Variants in WWOX observed in about 807,000 individuals in gnomAD.
WWOX encodes the protein WW domain containing oxidoreductase.
Under a neutral mutation model 46.2 loss-of-function variants are expected in WWOX, and 69 were observed. The observed-to-expected ratio is 1.49, with a 90% CI of 1.23 to 1.82. The LOEUF (loss-of-function observed/expected upper bound fraction) is 1.82. Among genes scored for constraint, WWOX ranks in the 40% most tolerant of loss-of-function variants. The pLI, the probability that WWOX is intolerant of heterozygous loss-of-function variation, is 0.00. For synonymous variants in WWOX, 359 were observed against 202.6 expected (o/e 1.77, Z -6.56); for missense variants, 919 against 542.6 (o/e 1.69, Z -6.89).
chr16:79,023,972 A>AAAC (rs2047586894), intron 8 of WWOX, among the ~76,000 whole-genome samples: 3 of 152,050 alleles, frequency 2.0e-5, no homozygotes, highest in Admixed American at 2.0e-4. Flanking sequence ...AACAAAAAAA[A>AAAC]CATTATATTA....
intron 8 of WWOX, among the ~76,000 whole-genome samples, chr16:78,701,077 ATCT>A (rs2048206407): frequency 6.6e-6 from 1 of 152,142 alleles, no homozygotes; most frequent in African/African-American, 2.4e-5. Flanking sequence ...TCTGTGCTTA[ATCT>A]TCTCCTCTTT....
At chr16:78,430,604 T>G (rs1285768441) in intron 7 of WWOX, among the ~76,000 whole-genome samples, 1 of 152,136 alleles carries the variant, frequency 6.6e-6, no homozygotes, top group African/African-American at 2.4e-5. Context: ...CGTCATATAT[T>G]TTCAAATTGC....
At chr16:78,413,943 C>T (rs1411154414) in intron 6 of WWOX, among the ~76,000 whole-genome samples, 2 of 151,706 alleles carry the variant, frequency 1.3e-5, no homozygotes, top group African/African-American at 4.8e-5. Flanking sequence ...GTGACCTGCA[C>T]ATATACATCC....
intron 8 of WWOX, among the ~76,000 whole-genome samples, chr16:78,929,969 A>T (rs2045582828): frequency 6.6e-6 from 1 of 152,126 alleles, no homozygotes; most frequent in South Asian, 2.1e-4. Context: ...CCTTGCAGCT[A>T]GCTCTCTGTG....
chr16:79,149,024 C>CT (rs1455242595), intron 8 of WWOX, among the ~76,000 whole-genome samples: 1 of 151,888 alleles, frequency 6.6e-6, no homozygotes, highest in Non-Finnish European at 1.5e-5. Flanking sequence ...TATGTGTGCC[C>CT]TTTTTTTATT....
chr16:78,818,226 C>T (rs1456842371), intron 8 of WWOX, among the ~76,000 whole-genome samples: 1 of 152,198 alleles, frequency 6.6e-6, no homozygotes, highest in Non-Finnish European at 1.5e-5. Flanking sequence ...CTGAAGGCTA[C>T]AGGTTACCCT....
chr16:78,459,276 T>G (rs1226287400), intron 8 of WWOX, among the ~76,000 whole-genome samples: 3 of 152,186 alleles, frequency 2.0e-5, no homozygotes, highest in Admixed American at 2.0e-4. Flanking sequence ...TGTAATGCCC[T>G]TTTCACCAGG....
intron 8 of WWOX, among the ~76,000 whole-genome samples, chr16:79,103,118 G>C (rs889151793): frequency 1.2e-4 from 19 of 152,064 alleles, no homozygotes; most frequent in African/African-American, 4.1e-4. Flanking sequence ...TAAGTCTCTG[G>C]GCATATTTGT....
At chr16:78,127,703 A>G (rs1231994855) in intron 4 of WWOX, among the ~76,000 whole-genome samples, 1 of 152,184 alleles carries the variant, frequency 6.6e-6, no homozygotes, top group Non-Finnish European at 1.5e-5. Context: ...CAAGTTTGTG[A>G]TAGTTTATAG....
At chr16:78,626,863 A>G (rs1187237163) in intron 8 of WWOX, among the ~76,000 whole-genome samples, 2 of 152,122 alleles carry the variant, frequency 1.3e-5, no homozygotes, top group African/African-American at 4.8e-5. Flanking sequence ...TTATAATCCT[A>G]TACTACTTTA....
intron 8 of WWOX, among the ~76,000 whole-genome samples, chr16:78,759,416 G>A (rs1279275675): frequency 1.3e-5 from 2 of 152,266 alleles, no homozygotes; most frequent in East Asian, 3.9e-4. Context: ...TCTCACTGCT[G>A]CTGAAGCAGT....
chr16:78,361,438 GC>G (rs1237430829), intron 5 of WWOX, among the ~76,000 whole-genome samples: 1 of 152,094 alleles, frequency 6.6e-6, no homozygotes, highest in Non-Finnish European at 1.5e-5. Context: ...GATGCTGGCA[GC>G]CCCGTTTTCC....
intron 8 of WWOX, among the ~76,000 whole-genome samples, chr16:78,634,141 A>T (rs560711903): frequency 9.9e-5 from 15 of 152,098 alleles, no homozygotes; most frequent in African/African-American, 3.6e-4. Flanking sequence ...CTTTTTGTAC[A>T]TTTGGAATAA....
intron 8 of WWOX, among the ~76,000 whole-genome samples, chr16:79,046,578 C>G (rs769676810): frequency 2.6e-5 from 4 of 152,060 alleles, no homozygotes; most frequent in African/African-American, 9.7e-5. Context: ...GAGAGCTCAC[C>G]GGGGAGTGTT....
intron 8 of WWOX, among the ~76,000 whole-genome samples, chr16:78,639,248 C>T (rs1272817766): frequency 6.6e-6 from 1 of 152,160 alleles, no homozygotes; most frequent in Non-Finnish European, 1.5e-5. Flanking sequence ...ATCAATGACA[C>T]ATGCAGTGTG....
At chr16:78,200,925 C>T (rs1398263591) in intron 5 of WWOX, among the ~76,000 whole-genome samples, 2 of 152,156 alleles carry the variant, frequency 1.3e-5, no homozygotes, top group African/African-American at 4.8e-5. Flanking sequence ...CAGCAGACGG[C>T]AAACAGAAGA....
rs568707550 is a variant in WWOX, at chr16:78,555,699, G to A, written c.1056+122947G>A. Among the ~76,000 whole-genome samples, 21 of 151,954 alleles carry A rather than the reference G, an allele frequency of 1.4e-4. No individual in the cohort carries two copies. In the South Asian group the frequency reaches 4.2e-3, roughly 30 times the overall value. On this transcript the variant is annotated intron_variant, in intron 8 of 8. Coordinates refer to ENST00000566780, the MANE Select transcript of WWOX (RefSeq NM_016373.4). ...GGGACAATGTTCACCCTTTGGACTG[G>A]AAGTAAGAAGCCCCTGCAGTTCCAA...
chr16:78,240,532 G>C (rs943061218), intron 5 of WWOX, among the ~76,000 whole-genome samples: 2 of 152,088 alleles, frequency 1.3e-5, no homozygotes, highest in African/African-American at 4.8e-5. Flanking sequence ...CTGGTCTCCT[G>C]AACTGTGAGA....
intron 8 of WWOX, among the ~76,000 whole-genome samples, chr16:78,910,329 T>C (rs1020450535): frequency 6.6e-6 from 1 of 150,712 alleles, no homozygotes; most frequent in African/African-American, 2.4e-5. Context: ...GCATCTCTGA[T>C]TGAGACTAAC....
Sources: allele counts gnomAD v4.1 joint callset (sites outside exome capture counted in the v4.1 genomes callset), GRCh38; gene constraint gnomAD v4.1.1; transcripts MANE v1.5; gene names NCBI Gene and HGNC (gene_info 2026-07-23, HGNC 2026-07-21).